PRDM15: variants seen among roughly 807,000 people sequenced by gnomAD.
PRDM15 encodes PR domain zinc finger protein 15.
A neutral mutation model predicts 128.6 loss-of-function variants in PRDM15; 64 were observed. The ratio of observed to expected loss-of-function variants is 0.50; its 90% CI spans 0.41 to 0.61. The LOEUF is 0.61. PRDM15 is among the 20% of genes least tolerant of loss of function. The probability of loss-of-function intolerance (pLI) is 0.00; values close to 1 mark genes in which losing one functional copy is unlikely to be tolerated. For missense variants in PRDM15, 1,242 were observed against 1,569.1 expected (o/e 0.79, Z 3.52); for synonymous variants, 615 against 621.8 (o/e 0.99, Z 0.16).
At position 41,864,338 on chromosome 21, in the gene PRDM15, G is replaced by A. The variant is rs1265686360; in HGVS notation, c.-9-3966C>T. On this transcript the variant is annotated intron_variant, in intron 1 of 23. Transcript: ENST00000398548. Reference sequence around the variant, plus strand: ...AAACATAAAATATTAAATAATAATAGAACTTAGAAAAACAGAGAAAATCTT... The same window carrying A: ...AAACATAAAATATTAAATAATAATAAAACTTAGAAAAACAGAGAAAATCTT... Among the ~76,000 whole-genome samples, 4 of 152,020 alleles carry A rather than the reference G, an allele frequency of 2.6e-5. 1 individual carries two copies. In the South Asian group the frequency reaches 6.2e-4, roughly 24 times the overall value.
intron 6 of PRDM15, among the ~76,000 whole-genome samples, chr21:41,842,977 G>A (rs2146655305): frequency 6.6e-6 from 1 of 151,950 alleles, no homozygotes; most frequent in South Asian, 2.1e-4. Flanking sequence ...TAGAGATGCG[G>A]TTTCACCATA....
chr21:41,834,966 G>A (rs1476078951), intron 11 of PRDM15, among the ~76,000 whole-genome samples: 4 of 152,184 alleles, frequency 2.6e-5, no homozygotes, highest in African/African-American at 7.2e-5. Context: ...AAAAGAATGC[G>A]TGCAGGGGCA....
intron 1 of PRDM15, among the ~76,000 whole-genome samples, chr21:41,866,899 C>T (rs868207284): frequency 4.6e-5 from 7 of 152,098 alleles, no homozygotes; most frequent in Non-Finnish European, 7.4e-5. Context: ...CCTGGGGAGA[C>T]GCCACAACAC....
rs771263294 is a variant in PRDM15, at chr21:41,854,545, G to A, written c.538+21C>T. The stretch of plus-strand genomic sequence containing the variant: ...CGAGGCACAAGGGAAGGTGGGCTCC[G>A]GATCGGGGGCCGCCACATACCGTGG... On this transcript the variant is annotated intron_variant, in intron 5 of 23. Transcript: ENST00000398548. This position sits in a 1 kb window ranked among gnomAD's most constrained non-coding sequence, Gnocchi z 4.6. 184 of 1,610,760 alleles carry A rather than the reference G, an allele frequency of 1.1e-4. 2 individuals are homozygous for A. The highest frequency in any genetic ancestry group is 5.0e-4 in the Middle Eastern group (3 of 6,004).
chr21:41,823,567 A>G lies in PRDM15; in HGVS notation c.1630-118T>C, dbSNP rs1220866178. The G allele has an allele frequency of 8.4e-6, 9 of 1,068,286 alleles. No individual in the cohort carries two copies. In the East Asian group the frequency reaches 2.4e-4, roughly 28 times the overall value. The allele number at this position is 1,068,286 out of a possible 1,614,324, so 66.2% of individuals were successfully genotyped here. On this transcript the variant is annotated intron_variant, in intron 13 of 23. Coordinates refer to ENST00000398548, the MANE Select transcript of PRDM15 (RefSeq NM_001040424.3). ...GGACGGAAACACAGCACTGTGCTCC[A>G]GGCCTTGCATCTCCAGTTCCTCAGT...
intron 1 of PRDM15, chr21:41,877,494 G>A (rs2064462542): frequency 6.6e-6 from 1 of 152,238 alleles, no homozygotes; most frequent in African/African-American, 2.4e-5. Flanking sequence ...CTTTGCAAAT[G>A]AGGAACGGAG....
chr21:41,818,507 G>A (rs2062132840), intron 18 of PRDM15, among the ~76,000 whole-genome samples: 1 of 152,160 alleles, frequency 6.6e-6, no homozygotes, highest in South Asian at 2.1e-4. Flanking sequence ...CCCTGGAGGA[G>A]GGGCAAGAGC....
rs1448854777 is a variant in PRDM15, at chr21:41,810,926, A to G, written c.2393-90T>C. On this transcript the variant is annotated intron_variant, in intron 19 of 23. Coordinates refer to ENST00000398548, the MANE Select transcript of PRDM15 (RefSeq NM_001040424.3). This position sits in a 1 kb window ranked among gnomAD's most constrained non-coding sequence, Gnocchi z 6.4. ...GTCTTCTCCCTGACACGTTCCAGGC[A>G]CTGTAGGGCCTTCAGGAGAAGGTGA... 8.8e-7 allele frequency: 1 copy of G among 1,136,726 alleles called. No homozygotes were observed. Among genetic ancestry groups the G allele is most frequent in the Admixed American group, 1.8e-5 (1 of 56,538 alleles). 70.4% of individuals were successfully genotyped at this position (1,136,726 alleles called of 1,614,324 possible).
intron 22 of PRDM15, 71 bp from the exon 23 acceptor site, chr21:41,802,992 A>G (rs2061457592): frequency 8.3e-7 from 1 of 1,201,078 alleles, no homozygotes; most frequent in African/African-American, 1.5e-5. Flanking sequence ...GGGCAGCCCC[A>G]GCACTGCCCT....
intron 5 of PRDM15, among the ~76,000 whole-genome samples, chr21:41,852,479 T>G (rs1461695130): frequency 6.6e-6 from 1 of 152,250 alleles, no homozygotes; most frequent in African/African-American, 2.4e-5. Flanking sequence ...GCCTCCCTTG[T>G]GCTGGGCCAG....
At chr21:41,871,697 AG>A (rs2064218892) in intron 1 of PRDM15, 1 of 1,478,418 alleles carries the variant, frequency 6.8e-7, no homozygotes, top group Non-Finnish European at 9.1e-7. Context: ...GAAACATGAC[AG>A]AAACTAACAG....
At chr21:41,874,525 A>ATATATATATATTTTTTTT in intron 1 of PRDM15, among the ~76,000 whole-genome samples, 26 of 95,804 alleles carry the variant, frequency 2.7e-4, no homozygotes, top group Non-Finnish European at 4.4e-4. Flanking sequence ...ATATATATAT[A>ATATATATATATTTTTTTT]TTTTTTTTTT....
chr21:41,831,946 C>T (rs1288261080), intron 11 of PRDM15, among the ~76,000 whole-genome samples: 1 of 152,210 alleles, frequency 6.6e-6, no homozygotes, highest in Non-Finnish European at 1.5e-5. Flanking sequence ...GCTTGCCTTC[C>T]TTCTATAAAG....
chr21:41,816,908 AG>A (rs1267458278), intron 18 of PRDM15, among the ~76,000 whole-genome samples: 30 of 133,756 alleles, frequency 2.2e-4, no homozygotes, highest in Non-Finnish European at 1.6e-5. Context: ...AAAAAAAAAA[AG>A]AGTGCCGGTC....
intron 10 of PRDM15, 81 bp from the exon 11 acceptor site, chr21:41,835,605 G>GTGGAGTCGCCCGGGC: frequency 8.9e-7 from 1 of 1,129,258 alleles, no homozygotes; most frequent in Non-Finnish European, 1.3e-6. Flanking sequence ...CTGCCCGGGC[G>GTGGAGTCGCCCGGGC]ACTCCACGCC....
At chr21:41,822,876 A>T (rs1332102232) in intron 14 of PRDM15, among the ~76,000 whole-genome samples, 1 of 152,138 alleles carries the variant, frequency 6.6e-6, no homozygotes, top group Admixed American at 6.5e-5. Flanking sequence ...CTCTACCAAA[A>T]ATACAAAAAT....
chr21:41,810,625 A>G lies in PRDM15; in HGVS notation c.2476+128T>C. ...GAGGCCAAGGGGCCACCATGAAGCC[A>G]AGACAACACTAAATGTGCTGGAACC... On this transcript the variant is annotated intron_variant, in intron 20 of 23. Coordinates refer to ENST00000398548, the MANE Select transcript of PRDM15 (RefSeq NM_001040424.3). The surrounding 1 kb of genome is among the most constrained non-coding windows in gnomAD (Gnocchi z 6.4). The G allele has an allele frequency of 1.3e-6, 1 of 768,612 alleles. No homozygotes were observed. The highest frequency in any genetic ancestry group is 1.6e-5 in the South Asian group (1 of 62,962). 47.6% of individuals were successfully genotyped at this position (768,612 alleles called of 1,614,324 possible).
intron 6 of PRDM15, among the ~76,000 whole-genome samples, chr21:41,842,254 G>A (rs558567703): frequency 2.6e-5 from 4 of 152,200 alleles, no homozygotes; most frequent in Admixed American, 2.0e-4. Flanking sequence ...GTAACCACTC[G>A]TCCCCACCTA....
chr21:41,821,135 T>C lies in PRDM15; in HGVS notation c.1992A>G (p.Ala664=), dbSNP rs370092396. 2 of 1,614,220 alleles carry C rather than the reference T, an allele frequency of 1.2e-6. No individual in the cohort carries two copies. Among genetic ancestry groups the C allele is most frequent in the African/African-American group, 1.3e-5 (1 of 75,066 alleles). ...TGTGGGCGTGGTAGGTGGCCTTCAGTGCAAAGCGCCGGTTGCAGATGCTGC... is the reference window on the plus strand; with the variant it reads ...TGTGGGCGTGGTAGGTGGCCTTCAGCGCAAAGCGCCGGTTGCAGATGCTGC... The part of the protein sequence containing the change: ...YGCSICNRRF[A]LKATYHAHMV... The change falls in exon 16 of 24, where the codon GCA becomes GCG. Residue 664 remains alanine, a synonymous_variant. Coordinates refer to ENST00000398548, the MANE Select transcript of PRDM15 (RefSeq NM_001040424.3). This position sits in a 1 kb window ranked among gnomAD's most constrained non-coding sequence, Gnocchi z 5.4.
Sources: gnomAD v4.1 joint callset for allele counts (sites outside exome capture counted in the v4.1 genomes callset) on GRCh38, gnomAD v4.1.1 for gene constraint, Gnocchi (gnomAD v3.1) non-coding constraint, MANE v1.5 for transcripts, NCBI Gene and HGNC (gene_info 2026-07-23, HGNC 2026-07-21) for gene names.